Variants in DENND4C observed in about 807,000 individuals in gnomAD.
DENND4C encodes DENN domain containing 4C.
A neutral mutation model predicts 203.0 loss-of-function variants in DENND4C; 108 were observed. The ratio of observed to expected loss-of-function variants is 0.53; its 90% confidence interval spans 0.46 to 0.62. The LOEUF (loss-of-function observed/expected upper bound fraction) is 0.62, where lower values mean the gene tolerates loss of function less well. Ranked by LOEUF, DENND4C falls within the 20% of genes least tolerant of loss-of-function variation. The pLI is 0.00. For missense variants in DENND4C, 2,481 were observed against 2,301.2 expected, an observed-to-expected ratio of 1.08 and a Z score of -1.60; for synonymous variants, 871 against 792.4, an observed-to-expected ratio of 1.10 and a Z score of -1.67.
At chr9:19,291,630 G>A (rs746202129) in intron 5 of DENND4C, among the ~76,000 whole-genome samples, 5 of 151,112 alleles carry the variant, frequency 3.3e-5, no homozygotes, top group Admixed American at 2.6e-4. Flanking sequence ...GCTTGAACCC[G>A]GGAGACAGAG....
intron 27 of DENND4C, chr9:19,357,515 C>A: frequency 4.2e-6 from 1 of 240,012 alleles, no homozygotes. Context: ...CTATTGTATG[C>A]TAAATATTAT....
chr9:19,278,074 CTTTTTTTT>C (rs34167347), intron 2 of DENND4C, among the ~76,000 whole-genome samples: 1 of 120,300 alleles, frequency 8.3e-6, no homozygotes, highest in African/African-American at 3.0e-5. Context: ...CCTTTTTTTT[CTTTTTTTT>C]TTTTTTTTGA....
chr9:19,339,258 C>A (rs7026853), intron 20 of DENND4C, among the ~76,000 whole-genome samples: 1 of 152,160 alleles, frequency 6.6e-6, no homozygotes, highest in Non-Finnish European at 1.5e-5. Flanking sequence ...TTCAGGAAAA[C>A]ATTGATATAC....
At position 19,370,000 on chromosome 9, in the gene DENND4C, T is replaced by C. The variant is rs768785661; in HGVS notation, c.5675+13T>C. Reference sequence around the variant, plus strand: ...TGAAAAGACAAAGGTAATAATCCAGTATTTTTTGCTTGCCACCACTCAGTC... The same window carrying C: ...TGAAAAGACAAAGGTAATAATCCAGCATTTTTTGCTTGCCACCACTCAGTC... On this transcript the variant is annotated intron_variant, in intron 31 of 32. Transcript: ENST00000434457. The C allele has an allele frequency of 2.7e-5, 43 of 1,611,720 alleles. No homozygotes were observed. In the South Asian group the frequency reaches 4.5e-4, roughly 17 times the overall value.
intron 1 of DENND4C, 48 bp from the exon 2 acceptor site, chr9:19,276,110 A>C: frequency 1.0e-6 from 1 of 999,204 alleles, no homozygotes; most frequent in Non-Finnish European, 1.3e-6. Context: ...AATTTTTGTC[A>C]GGATAAAGTA....
Position 19,335,081 on chromosome 9 carries a change from T to C in DENND4C, c.2565T>C (p.Ala855=), listed in dbSNP as rs1365817051. ...EMKTARIKPN[A]ITYGYYNKVV... ...AAACTGCTAGGATAAAGCCTAATGC[T>C]ATTACTTATGGTTATTATAATAAGG... Residue 855 remains alanine, a synonymous_variant, in exon 18 of 33, where the codon GCT becomes GCC. Coordinates refer to ENST00000434457, the MANE Select transcript of DENND4C (RefSeq NM_001330640.2). 6.2e-7 allele frequency: 1 copy of C among 1,604,618 alleles called. No homozygotes were observed. The highest frequency in any genetic ancestry group is 2.2e-5 in the East Asian group (1 of 44,610).
chr9:19,230,532 C>G (rs1299027561), upstream of DENND4C: 2 of 152,442 alleles, frequency 1.3e-5, no homozygotes, highest in Non-Finnish European at 2.9e-5. Context: ...GCGGTCAGGT[C>G]TTGGGACGGC....
chr9:19,313,965 C>CTA (rs1156325075), intron 10 of DENND4C, among the ~76,000 whole-genome samples: 2 of 152,138 alleles, frequency 1.3e-5, no homozygotes, highest in East Asian at 1.9e-4. Flanking sequence ...GCCTCTAATG[C>CTA]TAGCTACCTG....
At chr9:19,351,808 A>G (rs1013386796) in intron 24 of DENND4C, among the ~76,000 whole-genome samples, 8 of 150,410 alleles carry the variant, frequency 5.3e-5, no homozygotes, top group Non-Finnish European at 5.9e-5. Context: ...CTCCATCTAA[A>G]AAAAAAAAAA....
chr9:19,370,010 T>G, intron 31 of DENND4C, 23 bp downstream of exon 31: 1 of 1,610,588 alleles, frequency 6.2e-7, no homozygotes, highest in Non-Finnish European at 8.5e-7. Flanking sequence ...TATTTTTTGC[T>G]TGCCACCACT....
chr9:19,345,483 T>A (rs2666800), intron 22 of DENND4C, among the ~76,000 whole-genome samples: 27,520 of 152,238 alleles, frequency 0.18, 3,095 homozygotes, highest in Middle Eastern at 0.37. Context: ...TATTTTACTT[T>A]ACAGCAGTAA....
In DENND4C at chr9:19,358,124, A is replaced by G; in HGVS notation, c.5124A>G (p.Ser1708=). ...CCCAGCGACCGTTTCATGGCATCTC[A>G]ACAGTTAGTCTTCCAAATAGTCTGC... ...DFTQRPFHGI[S]TVSLPNSLQE... Residue 1708 remains serine, a synonymous_variant, in exon 28 of 33, where the codon TCA becomes TCG. Coordinates refer to ENST00000434457, the MANE Select transcript of DENND4C (RefSeq NM_001330640.2). This position sits in a 1 kb window ranked among gnomAD's most constrained non-coding sequence, Gnocchi z 4.8. 8 of 1,612,954 alleles carry G rather than the reference A, an allele frequency of 5.0e-6. No homozygotes were observed. Among genetic ancestry groups the G allele is most frequent in the Non-Finnish European group, 5.1e-6 (6 of 1,178,976 alleles).
At chr9:19,357,359 T>G in intron 27 of DENND4C, 1 of 504,124 alleles carries the variant, frequency 2.0e-6, no homozygotes, top group Non-Finnish European at 3.5e-6. Flanking sequence ...TATTTTACAG[T>G]TGTCTTTTAC....
chr9:19,327,021 A>AC (rs1817976111), intron 15 of DENND4C, among the ~76,000 whole-genome samples: 1 of 109,254 alleles, frequency 9.2e-6, no homozygotes, highest in African/African-American at 4.5e-5. Context: ...TAAAGTAAGT[A>AC]CATCCCAAAA....
chr9:19,230,960 C>G (rs1167999441), intron 1 of DENND4C, 127 bp downstream of exon 1: 1 of 152,316 alleles, frequency 6.6e-6, no homozygotes, highest in East Asian at 1.9e-4. Context: ...GTGGCTGGCC[C>G]GCGGGGGGTC....
At chr9:19,328,931 C>A (rs538472982) in intron 16 of DENND4C, among the ~76,000 whole-genome samples, 1 of 151,972 alleles carries the variant, frequency 6.6e-6, no homozygotes, top group South Asian at 2.1e-4. Context: ...TGCCTGTAAT[C>A]CCAGCTACTG....
At chr9:19,234,761 T>C (rs1325177536) in intron 1 of DENND4C, among the ~76,000 whole-genome samples, 1 of 151,830 alleles carries the variant, frequency 6.6e-6, no homozygotes, top group African/African-American at 2.4e-5. Flanking sequence ...CAGGCTGGTC[T>C]TGAACTCTAA....
intron 30 of DENND4C, among the ~76,000 whole-genome samples, chr9:19,364,518 C>T (rs564454242): frequency 6.6e-6 from 1 of 152,314 alleles, no homozygotes; most frequent in South Asian, 2.1e-4. Flanking sequence ...CTCTATCTAG[C>T]ACCCTGCTCA....
chr9:19,373,704 ACT>A lies in DENND4C; in HGVS notation c.*1536_*1537del, dbSNP rs767572462. On this transcript the variant is annotated 3_prime_UTR_variant, in exon 33 of 33. Coordinates refer to ENST00000434457, the MANE Select transcript of DENND4C (RefSeq NM_001330640.2). ...CCTTAGGAACAGTAAGTTTGCCTTA[ACT>A]CTCTGCATGGTTTAAAAAGCCATTG... Among the ~76,000 whole-genome samples, 13 of 152,106 alleles carry A rather than the reference ACT, an allele frequency of 8.5e-5. No homozygotes were observed. Among genetic ancestry groups the A allele is most frequent in the Admixed American group, 3.9e-4 (6 of 15,256 alleles).
Sources: allele counts gnomAD v4.1 joint callset (sites outside exome capture counted in the v4.1 genomes callset), GRCh38; gene constraint gnomAD v4.1.1; non-coding constraint Gnocchi (gnomAD v3.1); transcripts MANE v1.5; gene names NCBI Gene and HGNC (gene_info 2026-07-23, HGNC 2026-07-21).